Variants in CTU1 observed in about 807,000 individuals in gnomAD.
CTU1 encodes the protein cytosolic thiouridylase subunit 1.
Under a neutral mutation model 12.9 loss-of-function variants are expected in CTU1, and 15 were observed. The observed-to-expected ratio is 1.16, with a 90% CI of 0.78 to 1.79. CTU1 has a LOEUF of 1.79. Ranked by LOEUF, CTU1 falls within the 40% of genes most tolerant of loss-of-function variation. The pLI, the probability that CTU1 is intolerant of heterozygous loss-of-function variation, is 0.00. For missense variants in CTU1, 553 were observed against 550.5 expected (o/e 1.00, Z -0.05); for synonymous variants, 295 against 275.6 (o/e 1.07, Z -0.70).
At chr19:51,100,437 C>T (rs1399094973) in intron 2 of CTU1, among the ~76,000 whole-genome samples, 2 of 152,046 alleles carry the variant, frequency 1.3e-5, no homozygotes, top group Admixed American at 1.3e-4. Context: ...TGGCAAAACC[C>T]CCATCTCTAC....
Position 51,099,111 on chromosome 19 carries a change from G to T in CTU1, c.537C>A (p.Thr179=), listed in dbSNP as rs1214470289. The change falls in exon 3 of 3, where the codon ACC becomes ACA. Residue 179 remains threonine, a synonymous_variant. Coordinates refer to ENST00000421832, the MANE Select transcript of CTU1 (RefSeq NM_145232.4). ...TGHNADDMAE[T]VLMNFLRGDA... is the part of the protein sequence containing the mutation. ...CGCCCCGTAGGAAGTTCATGAGCAC[G>T]GTCTCCGCCATGTCGTCGGCGTTGT... The T allele has an allele frequency of 6.4e-7, 1 of 1,566,008 alleles. No homozygotes were observed. Among genetic ancestry groups the T allele is most frequent in the Admixed American group, 1.8e-5 (1 of 54,862 alleles).
At chr19:51,105,732 A>G (rs552471625) in intron 1 of CTU1, among the ~76,000 whole-genome samples, 1 of 152,326 alleles carries the variant, frequency 6.6e-6, no homozygotes, top group South Asian at 2.1e-4. Context: ...CTTCTCCTGG[A>G]GTACAGGGCA....
chr19:51,105,152 G>A (rs1261987681), intron 1 of CTU1, among the ~76,000 whole-genome samples: 1 of 152,120 alleles, frequency 6.6e-6, no homozygotes, highest in Non-Finnish European at 1.5e-5. Context: ...GGTGGGATAC[G>A]GTCTCCAGGA....
intron 1 of CTU1, 121 bp from the exon 2 acceptor site, chr19:51,104,711 A>G (rs1242107106): frequency 1.3e-6 from 1 of 748,786 alleles, no homozygotes; most frequent in African/African-American, 1.9e-5. Context: ...CGTGTGCGCG[A>G]GTGGAGTAGC....
chr19:51,098,593 C>A lies in CTU1; in HGVS notation c.*8G>T. ...CGGCATCAGATCCCGGCGGGAGGCCCGAAGTCGCTAGAAGGTGGGGACGGC... is the reference window on the plus strand; with the variant it reads ...CGGCATCAGATCCCGGCGGGAGGCCAGAAGTCGCTAGAAGGTGGGGACGGC... On this transcript the variant is annotated 3_prime_UTR_variant, in exon 3 of 3. Transcript: ENST00000421832. The surrounding 1 kb of genome is among the most constrained non-coding windows in gnomAD (Gnocchi z 4.3). 1 of 1,276,636 alleles carries A rather than the reference C, an allele frequency of 7.8e-7. No individual in the cohort carries two copies. Among genetic ancestry groups the A allele is most frequent in the Non-Finnish European group, 9.9e-7 (1 of 1,008,908 alleles). The allele number at this position is 1,276,636 out of a possible 1,614,324, so 79.1% of individuals were successfully genotyped here.
rs1347123263 is a variant in CTU1, at chr19:51,098,833, C to T, written c.815G>A (p.Arg272His). ...CCGCGCGGCCGGGGCCAGCGCCAGG[C>T]GCTCGGCCGAGTGCACGAGGTCCAG... is the stretch of plus-strand genomic sequence containing the variant. ...AVLDLVHSAE[R>H]LALAPAARPP... is the part of the protein sequence containing the mutation. The change falls in exon 3 of 3, where the codon CGC (arginine) becomes CAC (histidine). Residue 272 changes from arginine (R) to histidine (H), a missense_variant. Physicochemically the swap from Arg to His is conservative, Grantham distance 29. This residue lies in a region of CTU1 where 500 missense variants were observed against 458.5 expected (regional missense o/e 1.09). Coordinates refer to ENST00000421832, the MANE Select transcript of CTU1 (RefSeq NM_145232.4). This position sits in a 1 kb window ranked among gnomAD's most constrained non-coding sequence, Gnocchi z 4.3. 3.4e-6 allele frequency: 4 copies of T among 1,169,714 alleles called. No individual in the cohort carries two copies. The highest frequency in any genetic ancestry group is 4.2e-6 in the Non-Finnish European group (4 of 942,896). 72.5% of individuals were successfully genotyped at this position (1,169,714 alleles called of 1,614,324 possible).
chr19:51,104,423 C>T lies in CTU1; in HGVS notation c.147G>A (p.Pro49=), dbSNP rs776168298. ...CGCCCACGGCCACCACCGCGCCGGG[C>T]GGCAGCAGGCGGCCGGCGAGCACCG... is the stretch of plus-strand genomic sequence containing the variant. ...LHTVLAGRLL[P]PGAVVAVGAS... Residue 49 remains proline (P), a synonymous_variant, in exon 2 of 3, where the codon CCG becomes CCA. Transcript: ENST00000421832. The T allele has an allele frequency of 1.3e-4, 161 of 1,219,758 alleles. No homozygotes were observed. Among genetic ancestry groups the T allele is most frequent in the Middle Eastern group, 9.7e-4 (3 of 3,086 alleles). 75.6% of individuals were successfully genotyped at this position (1,219,758 alleles called of 1,614,324 possible). A position where few individuals can be genotyped will look rare whatever the true frequency, so the allele number is the denominator to read the frequency against.
Position 51,104,270 on chromosome 19 carries a change from C to G in CTU1, c.300G>C (p.Ala100=). Residue 100 remains alanine (A), a synonymous_variant, in exon 2 of 3, where the codon GCG becomes GCC. Transcript: ENST00000421832. The stretch of plus-strand genomic sequence containing the variant: ...AGCGCGCCGCCTGGCGCCGCACGGC[C>G]GCCAACGCCGCGTCCCGGTAGCCAC... ...GIGGYRDAAL[A]AVRRQAARWE... is the part of the protein sequence containing the mutation. 6.7e-7 allele frequency: 1 copy of G among 1,503,314 alleles called. No homozygotes were observed. Among genetic ancestry groups the G allele is most frequent in the Non-Finnish European group, 8.8e-7 (1 of 1,131,078 alleles). 93.1% of individuals were successfully genotyped at this position (1,503,314 alleles called of 1,614,324 possible). A position where few individuals can be genotyped will look rare whatever the true frequency, so the allele number is the denominator to read the frequency against.
intron 2 of CTU1, among the ~76,000 whole-genome samples, chr19:51,103,534 G>T (rs1450342838): frequency 2.1e-5 from 3 of 145,988 alleles, no homozygotes; most frequent in Non-Finnish European, 4.5e-5. Flanking sequence ...GCAGTAAGCC[G>T]AGATCGCACC....
Position 51,104,250 on chromosome 19 carries a change from G to T in CTU1, c.320C>A (p.Ala107Glu), listed in dbSNP as rs17855403. Residue 107 changes from alanine to glutamate, a missense_variant, in exon 2 of 3, where the codon GCG becomes GAG. Transcript: ENST00000421832. ...GACCGTGAGCGGCAGCTCCCAGCGC[G>T]CCGCCTGGCGCCGCACGGCCGCCAA... Reference protein sequence around the residue: ...AALAAVRRQAARWELPLTVVA... With the variant: ...AALAAVRRQAERWELPLTVVA... 2 of 1,505,364 alleles carry T rather than the reference G, an allele frequency of 1.3e-6. No homozygotes were observed. The highest frequency in any genetic ancestry group is 1.8e-6 in the Non-Finnish European group (2 of 1,133,442). The allele number at this position is 1,505,364 out of a possible 1,614,324, so 93.3% of individuals were successfully genotyped here.
Position 51,098,581 on chromosome 19 carries a change from C to T in CTU1, c.*20G>A, listed in dbSNP as rs2091897155. ...GCCCCCACCCCGCGGCATCAGATCC[C>T]GGCGGGAGGCCCGAAGTCGCTAGAA... is the stretch of plus-strand genomic sequence containing the variant. On this transcript the variant is annotated 3_prime_UTR_variant, in exon 3 of 3. Coordinates refer to ENST00000421832, the MANE Select transcript of CTU1 (RefSeq NM_145232.4). This position sits in a 1 kb window ranked among gnomAD's most constrained non-coding sequence, Gnocchi z 4.3. 6.4e-6 allele frequency: 8 copies of T among 1,258,448 alleles called. 1 individual carries two copies. The South Asian group carries it at 8.3e-5, about 13-fold the overall frequency. 78.0% of individuals were successfully genotyped at this position (1,258,448 alleles called of 1,614,324 possible).
rs2091896642 is a variant in CTU1, at chr19:51,098,434, C to T, written c.*167G>A. 1.7e-5 allele frequency: 10 copies of T among 597,280 alleles called. No homozygotes were observed. Among genetic ancestry groups the T allele is most frequent in the South Asian group, 8.0e-5 (1 of 12,444 alleles). 37.0% of individuals were successfully genotyped at this position (597,280 alleles called of 1,614,324 possible). A position where few individuals can be genotyped will look rare whatever the true frequency, so the allele number is the denominator to read the frequency against. ...AGTTCGAGACCCTTCTTCCCTGAGACCTCGAAGTCTGGGGTCCCAGCTTCT... is the reference window on the plus strand; with the variant it reads ...AGTTCGAGACCCTTCTTCCCTGAGATCTCGAAGTCTGGGGTCCCAGCTTCT... On this transcript the variant is annotated 3_prime_UTR_variant, in exon 3 of 3. Coordinates refer to ENST00000421832, the MANE Select transcript of CTU1 (RefSeq NM_145232.4). The surrounding 1 kb of genome is among the most constrained non-coding windows in gnomAD (Gnocchi z 4.3).
At chr19:51,105,864 A>G (rs916582288) in intron 1 of CTU1, among the ~76,000 whole-genome samples, 1 of 152,162 alleles carries the variant, frequency 6.6e-6, no homozygotes, top group African/African-American at 2.4e-5. Flanking sequence ...CCAAGTCCGG[A>G]CCTTTTCAAA....
chr19:51,105,151 C>T (rs1485870732), intron 1 of CTU1, among the ~76,000 whole-genome samples: 2 of 152,122 alleles, frequency 1.3e-5, no homozygotes, highest in African/African-American at 4.8e-5. Flanking sequence ...GGGTGGGATA[C>T]GGTCTCCAGG....
In CTU1 at chr19:51,098,839, G is replaced by T; in HGVS notation, c.809C>A (p.Ala270Asp). The change falls in exon 3 of 3, where the codon GCC becomes GAC. Residue 270 changes from alanine (A) to aspartate (D), a missense_variant. Ala to Asp is a moderately radical substitution (Grantham distance 126). Coordinates refer to ENST00000421832, the MANE Select transcript of CTU1 (RefSeq NM_145232.4). This position sits in a 1 kb window ranked among gnomAD's most constrained non-coding sequence, Gnocchi z 4.3. ...GGCCGGGGCCAGCGCCAGGCGCTCG[G>T]CCGAGTGCACGAGGTCCAGCACCGC... ...PSAVLDLVHS[A>D]ERLALAPAAR... is the part of the protein sequence containing the mutation. 2 of 1,211,132 alleles carry T rather than the reference G, an allele frequency of 1.7e-6. No individual in the cohort carries two copies. The highest frequency in any genetic ancestry group is 4.2e-5 in the South Asian group (2 of 47,316). The allele number at this position is 1,211,132 out of a possible 1,614,324, so 75.0% of individuals were successfully genotyped here.
chr19:51,107,272 T>C (rs890459667), intron 1 of CTU1, among the ~76,000 whole-genome samples: 1 of 152,038 alleles, frequency 6.6e-6, no homozygotes, highest in African/African-American at 2.4e-5. Flanking sequence ...CCTAGACTGG[T>C]CAACATAGCG....
At chr19:51,107,834 C>CCT (rs1350767925) in intron 1 of CTU1, among the ~76,000 whole-genome samples, 1 of 152,124 alleles carries the variant, frequency 6.6e-6, no homozygotes, top group Non-Finnish European at 1.5e-5. Context: ...GTCACTGAGT[C>CCT]GAGCGCCTCC....
chr19:51,106,798 G>A (rs1285103611), intron 1 of CTU1, among the ~76,000 whole-genome samples: 6 of 151,980 alleles, frequency 3.9e-5, no homozygotes, highest in African/African-American at 9.7e-5. Flanking sequence ...GATTACAGGC[G>A]TAAGCCACTG....
rs1358931342 is a variant in CTU1, at chr19:51,098,903, G to T, written c.745C>A (p.Arg249=). Residue 249 remains arginine (R), a synonymous_variant, in exon 3 of 3, where the codon CGG becomes AGG. Coordinates refer to ENST00000421832, the MANE Select transcript of CTU1 (RefSeq NM_145232.4). The surrounding 1 kb of genome is among the most constrained non-coding windows in gnomAD (Gnocchi z 4.3). ...YAPEAFRGHA[R]DLLKRLEAAR... is the part of the protein sequence containing the mutation. ...GCCTCCAGGCGCTTGAGCAGGTCCC[G>T]GGCGTGGCCGCGGAAGGCCTCGGGC... 1 of 1,508,482 alleles carries T rather than the reference G, an allele frequency of 6.6e-7. No individual in the cohort carries two copies. Among genetic ancestry groups the T allele is most frequent in the Non-Finnish European group, 8.8e-7 (1 of 1,131,736 alleles). The allele number at this position is 1,508,482 out of a possible 1,614,324, so 93.4% of individuals were successfully genotyped here.
Sources: allele counts gnomAD v4.1 joint callset (sites outside exome capture counted in the v4.1 genomes callset), GRCh38; gene constraint gnomAD v4.1.1; regional missense constraint gnomAD v4.1.1; non-coding constraint Gnocchi (gnomAD v3.1); transcripts MANE v1.5; gene names NCBI Gene and HGNC (gene_info 2026-07-23, HGNC 2026-07-21).